ADAMTS16: variants seen among roughly 807,000 people sequenced by gnomAD.
The protein encoded by ADAMTS16 is A disintegrin and metalloproteinase with thrombospondin motifs 16.
A neutral mutation model predicts 145.8 loss-of-function variants in ADAMTS16; 94 were observed. That is an observed-to-expected ratio of 0.64 (90% CI 0.55 to 0.77). The LOEUF is 0.77. Ranked by LOEUF, ADAMTS16 falls within the 30% of genes least tolerant of loss-of-function variation. The pLI is 0.00. For synonymous variants in ADAMTS16, 659 were observed against 604.3 expected (o/e 1.09, Z -1.33); for missense variants, 1,585 against 1,591.5 (o/e 1.00, Z 0.07).
At chr5:5,211,628 G>C (rs1281890564) in intron 10 of ADAMTS16, among the ~76,000 whole-genome samples, 1 of 151,978 alleles carries the variant, frequency 6.6e-6, no homozygotes, top group Non-Finnish European at 1.5e-5. Context: ...TGAAGTAGCA[G>C]CTTGAATCAT....
chr5:5,263,710 G>A (rs1321970274), intron 18 of ADAMTS16, among the ~76,000 whole-genome samples: 1 of 152,198 alleles, frequency 6.6e-6, no homozygotes, highest in African/African-American at 2.4e-5. Context: ...CAGAGGGGGT[G>A]TTAATGTGCT....
chr5:5,305,640 T>C (rs1358628385), intron 20 of ADAMTS16, among the ~76,000 whole-genome samples: 1 of 152,174 alleles, frequency 6.6e-6, no homozygotes, highest in Non-Finnish European at 1.5e-5. Flanking sequence ...TCGATCAGGA[T>C]GCACAAAAAG....
chr5:5,148,884 G>T (rs974454605), intron 3 of ADAMTS16, among the ~76,000 whole-genome samples: 1 of 152,144 alleles, frequency 6.6e-6, no homozygotes, highest in Admixed American at 6.5e-5. Context: ...GGAGCCAGAA[G>T]GACCCAGAGG....
intron 9 of ADAMTS16, among the ~76,000 whole-genome samples, chr5:5,201,071 A>G (rs1166204052): frequency 2.0e-5 from 3 of 152,210 alleles, no homozygotes; most frequent in East Asian, 3.9e-4. Flanking sequence ...GTGAATTGGA[A>G]AGTCTCTGCT....
chr5:5,166,084 T>G (rs1016699206), intron 3 of ADAMTS16, among the ~76,000 whole-genome samples: 9 of 152,212 alleles, frequency 5.9e-5, no homozygotes, highest in Non-Finnish European at 1.0e-4. Flanking sequence ...TCCTGTAAAC[T>G]TGATTGATAA....
intron 18 of ADAMTS16, among the ~76,000 whole-genome samples, chr5:5,280,218 T>C (rs1355232636): frequency 6.6e-6 from 1 of 152,134 alleles, no homozygotes; most frequent in African/African-American, 2.4e-5. Context: ...ACTTAGATGT[T>C]CTCAGTGTTG....
At position 5,185,456 on chromosome 5, in the gene ADAMTS16, A is replaced by T. The variant is rs188255742; in HGVS notation, c.764-596A>T. Reference sequence around the variant, plus strand: ...AGGGATTACTTCAAGAGGAAAGTGTATGCTTTGTCTTCTAATCAAATACAT... The same window carrying T: ...AGGGATTACTTCAAGAGGAAAGTGTTTGCTTTGTCTTCTAATCAAATACAT... On this transcript the variant is annotated intron_variant, in intron 4 of 22. Coordinates refer to ENST00000274181, the MANE Select transcript of ADAMTS16 (RefSeq NM_139056.4). 1.8e-3 allele frequency among the ~76,000 whole-genome samples: 270 copies of T among 152,358 alleles called. 1 individual carries two copies. Among genetic ancestry groups the T allele is most frequent in the African/African-American group, 6.3e-3 (264 of 41,590 alleles).
At chr5:5,247,664 G>T (rs72724181) in intron 17 of ADAMTS16, among the ~76,000 whole-genome samples, 3,729 of 152,320 alleles carry the variant, frequency 0.024, 64 homozygotes, top group Non-Finnish European at 0.037. Flanking sequence ...TCGCTGTGCA[G>T]GTCACTTGTA....
At chr5:5,188,104 C>G (rs1016477817) in intron 6 of ADAMTS16, among the ~76,000 whole-genome samples, 2 of 152,160 alleles carry the variant, frequency 1.3e-5, no homozygotes, top group African/African-American at 4.8e-5. Flanking sequence ...TAGGAATACA[C>G]AGCACAAAAT....
intron 3 of ADAMTS16, among the ~76,000 whole-genome samples, chr5:5,177,471 C>T (rs555664847): frequency 6.6e-6 from 1 of 152,112 alleles, no homozygotes; most frequent in Admixed American, 6.5e-5. Flanking sequence ...GAGAGAGGAA[C>T]AAAAAGAAAC....
Position 5,209,192 on chromosome 5 carries a change from G to C in ADAMTS16, c.1551G>C (p.Gln517His). 1 of 1,614,076 alleles carries C rather than the reference G, an allele frequency of 6.2e-7. No homozygotes were observed. Among genetic ancestry groups the C allele is most frequent in the Non-Finnish European group, 8.5e-7 (1 of 1,179,920 alleles). ...LPGELYDANT[Q>H]CKWQFGEKAK... ...GAGAATTATATGATGCAAACACACA[G>C]TGCAAGTGGCAGTTCGGAGAGAAAG... is the stretch of plus-strand genomic sequence containing the variant. Residue 517 changes from glutamine to histidine, a missense_variant, in exon 10 of 23, where the codon CAG (glutamine) becomes CAC (histidine). Around this residue, in one of 3 missense-constraint regions of ADAMTS16, gnomAD observed 298 missense variants for 367.6 expected, o/e 0.81. Transcript: ENST00000274181.
At chr5:5,187,419 A>G (rs1553989166) in intron 5 of ADAMTS16, among the ~76,000 whole-genome samples, 1 of 152,172 alleles carries the variant, frequency 6.6e-6, no homozygotes, top group Non-Finnish European at 1.5e-5. Context: ...GAGCTTGAGA[A>G]GTGATTGGCT....
intron 17 of ADAMTS16, among the ~76,000 whole-genome samples, chr5:5,249,125 G>C (rs550126410): frequency 5.7e-4 from 87 of 152,268 alleles, no homozygotes; most frequent in African/African-American, 1.9e-3. Context: ...CCTAGGACCA[G>C]GAGTGCTGAT....
chr5:5,278,226 C>T (rs1011466643), intron 18 of ADAMTS16, among the ~76,000 whole-genome samples: 7 of 152,162 alleles, frequency 4.6e-5, no homozygotes, highest in African/African-American at 1.7e-4. Flanking sequence ...TGACCCGGTG[C>T]CAAGAATTCC....
chr5:5,184,122 C>T (rs1027986009), intron 4 of ADAMTS16, among the ~76,000 whole-genome samples: 1 of 152,170 alleles, frequency 6.6e-6, no homozygotes, highest in South Asian at 2.1e-4. Flanking sequence ...ATCAACAGCG[C>T]TGCTTCCTAC....
At chr5:5,187,926 T>C (rs1735553027) in intron 6 of ADAMTS16, 118 bp downstream of exon 6, 1 of 630,716 alleles carries the variant, frequency 1.6e-6, no homozygotes, top group East Asian at 3.1e-5. Context: ...GCAAAATGTA[T>C]TTAATATTTT....
At chr5:5,209,519 T>A (rs1477283422) in intron 10 of ADAMTS16, among the ~76,000 whole-genome samples, 1 of 152,188 alleles carries the variant, frequency 6.6e-6, no homozygotes. Flanking sequence ...AGCTCAGCAA[T>A]AACTTTTAGT....
chr5:5,164,984 C>T (rs1047424293), intron 3 of ADAMTS16, among the ~76,000 whole-genome samples: 2 of 152,152 alleles, frequency 1.3e-5, no homozygotes, highest in African/African-American at 4.8e-5. Flanking sequence ...TACATAACTA[C>T]CCCTCACCAC....
chr5:5,171,339 G>T (rs1275404494), intron 3 of ADAMTS16, among the ~76,000 whole-genome samples: 2 of 152,102 alleles, frequency 1.3e-5, no homozygotes, highest in Non-Finnish European at 2.9e-5. Context: ...GAGCATCTTT[G>T]TTGTGTTCCA....
Sources: gnomAD v4.1 joint callset for allele counts (sites outside exome capture counted in the v4.1 genomes callset) on GRCh38, gnomAD v4.1.1 for gene constraint, gnomAD v4.1.1 regional missense constraint, MANE v1.5 for transcripts, NCBI Gene and HGNC (gene_info 2026-07-23, HGNC 2026-07-21) for gene names.